Variants in TRPC3 observed in about 807,000 individuals in gnomAD.
TRPC3 encodes the protein short transient receptor potential channel 3.
Under a neutral mutation model 90.9 loss-of-function variants are expected in TRPC3, and 54 were observed. The ratio of observed to expected loss-of-function variants is 0.59; its 90% CI spans 0.48 to 0.75. The LOEUF is 0.75. Ranked by LOEUF, TRPC3 falls within the 30% of genes least tolerant of loss-of-function variation. TRPC3 has a pLI of 0.00. For synonymous variants in TRPC3, 424 were observed against 450.9 expected, an observed-to-expected ratio of 0.94 and a Z score of 0.75; for missense variants, 918 against 1,194.5, an observed-to-expected ratio of 0.77 and a Z score of 3.41.
In TRPC3 at chr4:121,877,995, G is replaced by A. The variant is rs1400781211; in HGVS notation, c.*1741C>T. On this transcript the variant is annotated 3_prime_UTR_variant, in exon 12 of 12. Coordinates refer to ENST00000379645, the MANE Select transcript of TRPC3 (RefSeq NM_001130698.2). ...CTATAAGCAAAAACTTTTCACACTTGGAATCCTGGACCATACTATAAAACT... is the reference window on the plus strand; with the variant it reads ...CTATAAGCAAAAACTTTTCACACTTAGAATCCTGGACCATACTATAAAACT... Among the ~76,000 whole-genome samples the A allele has an allele frequency of 6.6e-6, 1 of 152,002 alleles. No homozygotes were observed. Among genetic ancestry groups the A allele is most frequent in the Non-Finnish European group, 1.5e-5 (1 of 68,000 alleles).
intron 1 of TRPC3, among the ~76,000 whole-genome samples, chr4:121,941,530 C>G (rs1417681822): frequency 6.6e-6 from 1 of 152,100 alleles, no homozygotes; most frequent in South Asian, 2.1e-4. Context: ...GTTAGTTACA[C>G]TATGGAGATG....
At chr4:121,890,366 T>C (rs1270831111) in intron 10 of TRPC3, among the ~76,000 whole-genome samples, 1 of 152,168 alleles carries the variant, frequency 6.6e-6, no homozygotes, top group African/African-American at 2.4e-5. Flanking sequence ...GTGATGAACA[T>C]GCCAAATACA....
At chr4:121,941,141 AACATTTTGGTTCT>A (rs978761899) in intron 1 of TRPC3, among the ~76,000 whole-genome samples, 1 of 152,216 alleles carries the variant, frequency 6.6e-6, no homozygotes, top group African/African-American at 2.4e-5. Flanking sequence ...TATGTGTCAG[AACATTTTGGTTCT>A]ACAAAGAACA....
At chr4:121,881,606 A>T (rs553905945) in intron 11 of TRPC3, among the ~76,000 whole-genome samples, 1 of 152,344 alleles carries the variant, frequency 6.6e-6, no homozygotes, top group South Asian at 2.1e-4. Context: ...TTAATCAAGT[A>T]ATGGCTTCAA....
At chr4:121,926,839 C>T (rs1020567945) in intron 2 of TRPC3, among the ~76,000 whole-genome samples, 5 of 152,222 alleles carry the variant, frequency 3.3e-5, no homozygotes, top group Admixed American at 6.5e-5. Context: ...GCAGCATCAG[C>T]AGCACCTGGG....
At chr4:121,889,859 T>C (rs1728259947) in intron 10 of TRPC3, among the ~76,000 whole-genome samples, 1 of 152,162 alleles carries the variant, frequency 6.6e-6, no homozygotes, top group Non-Finnish European at 1.5e-5. Context: ...AAGAGACATC[T>C]GTACTCCCAT....
chr4:121,915,258 T>C (rs1434423721), intron 3 of TRPC3, among the ~76,000 whole-genome samples: 1 of 152,226 alleles, frequency 6.6e-6, no homozygotes, highest in Non-Finnish European at 1.5e-5. Context: ...ACATCTGGCT[T>C]CTTTTGTAAA....
intron 1 of TRPC3, among the ~76,000 whole-genome samples, chr4:121,948,594 T>C (rs1730571805): frequency 6.6e-6 from 1 of 152,226 alleles, no homozygotes; most frequent in Admixed American, 6.5e-5. Context: ...CACTAATGCC[T>C]CAAACCAACA....
rs531441924 is a variant in TRPC3 at position 121,938,035 on chromosome 4, A to T, written c.216-4993T>A. On this transcript the variant is annotated intron_variant, in intron 1 of 11. Transcript: ENST00000379645. ...GAATTTATTTAAAAAAAAAAAAACA[A>T]CCCAGAGTATTAAGAAATACCCTCT... Among the ~76,000 whole-genome samples, 5 of 151,628 alleles carry T rather than the reference A, an allele frequency of 3.3e-5. No individual in the cohort carries two copies. In the South Asian group the frequency reaches 1.0e-3, roughly 32 times the overall value.
At chr4:121,895,698 C>A (rs72919940) in intron 10 of TRPC3, among the ~76,000 whole-genome samples, 1,619 of 151,960 alleles carry the variant, frequency 0.011, 24 homozygotes, top group African/African-American at 0.037. Context: ...GTGCATAAAA[C>A]ATCTCCCAAA....
intron 10 of TRPC3, among the ~76,000 whole-genome samples, chr4:121,894,873 A>C (rs573281548): frequency 1.2e-4 from 19 of 152,022 alleles, no homozygotes; most frequent in Non-Finnish European, 2.6e-4. Flanking sequence ...TATTCTTTTA[A>C]TCAGCACGTG....
In TRPC3 at chr4:121,890,748, T is replaced by C. The variant is rs140761896; in HGVS notation, c.2548-8319A>G. ...GGCTCATGCCTGTAATGCCAGCACTTTGGGAGGCCGAGATGGGTGGATCAT... is the reference window on the plus strand; with the variant it reads ...GGCTCATGCCTGTAATGCCAGCACTCTGGGAGGCCGAGATGGGTGGATCAT... On this transcript the variant is annotated intron_variant, in intron 10 of 11. Transcript: ENST00000379645. Among the ~76,000 whole-genome samples the C allele has an allele frequency of 3.5e-3, 535 of 151,420 alleles. 7 individuals carry two copies. Among genetic ancestry groups the C allele is most frequent in the African/African-American group, 0.013 (516 of 41,222 alleles).
At chr4:121,910,462 C>A in intron 5 of TRPC3, 75 bp from the exon 6 acceptor site, 2 of 1,134,338 alleles carry the variant, frequency 1.8e-6, no homozygotes, top group African/African-American at 1.5e-5. Context: ...TGTCCACCAT[C>A]AGGTCACATC....
intron 1 of TRPC3, among the ~76,000 whole-genome samples, chr4:121,942,045 A>T (rs184551734): frequency 6.2e-4 from 95 of 152,308 alleles, no homozygotes; most frequent in Non-Finnish European, 2.5e-4. Flanking sequence ...TAACAACCAA[A>T]CCAGCAAGAT....
chr4:121,896,927 AC>A, intron 10 of TRPC3, among the ~76,000 whole-genome samples: 1 of 152,304 alleles, frequency 6.6e-6, no homozygotes, highest in Non-Finnish European at 1.5e-5. Context: ...ACTACACGGT[AC>A]TGGCATAAAA....
chr4:121,885,376 T>C (rs1224780186), intron 10 of TRPC3, among the ~76,000 whole-genome samples: 1 of 152,172 alleles, frequency 6.6e-6, no homozygotes, highest in Non-Finnish European at 1.5e-5. Context: ...AATCTGTTTT[T>C]ACCACTTTAG....
chr4:121,907,644 A>G, intron 6 of TRPC3, 77 bp from the exon 7 acceptor site: 1 of 1,469,298 alleles, frequency 6.8e-7, no homozygotes, highest in Non-Finnish European at 9.2e-7. Context: ...TACCTTAAAT[A>G]GGATCTATCT....
chr4:121,904,201 C>G, intron 8 of TRPC3, 121 bp downstream of exon 8: 1 of 797,890 alleles, frequency 1.3e-6, no homozygotes, highest in Non-Finnish European at 1.9e-6. Flanking sequence ...GGCTCAGGCT[C>G]TGTGTGGATA....
rs1727732566 is a variant in TRPC3 at position 121,875,263 on chromosome 4, C to G, written c.*4473G>C. 6.6e-6 allele frequency among the ~76,000 whole-genome samples: 1 copy of G among 152,000 alleles called. No individual in the cohort carries two copies. ...TTTGAAGCTCAAATTTATTTTAAAACAGTGAAATGAGGCTATGATATAGCA... is the reference window on the plus strand; with the variant it reads ...TTTGAAGCTCAAATTTATTTTAAAAGAGTGAAATGAGGCTATGATATAGCA... On this transcript the variant is annotated 3_prime_UTR_variant, in exon 12 of 12. Coordinates refer to ENST00000379645, the MANE Select transcript of TRPC3 (RefSeq NM_001130698.2).
Sources: allele counts gnomAD v4.1 joint callset (sites outside exome capture counted in the v4.1 genomes callset), GRCh38; gene constraint gnomAD v4.1.1; transcripts MANE v1.5; gene names NCBI Gene and HGNC (gene_info 2026-07-23, HGNC 2026-07-21).